ZFR: variants seen among roughly 807,000 people sequenced by gnomAD.
ZFR encodes zinc finger RNA binding protein, also known as zinc finger RNA-binding protein.
In ZFR, 19 loss-of-function variants were observed where a neutral mutation model predicts 130.7. The ratio of observed to expected loss-of-function variants is 0.15; its 90% confidence interval spans 0.10 to 0.21. The LOEUF is 0.21. ZFR is among the 10% of genes least tolerant of loss of function. The pLI is 1.00. For synonymous variants in ZFR, 466 were observed against 456.9 expected, an observed-to-expected ratio of 1.02 and a Z score of -0.25; for missense variants, 872 against 1,321.5, an observed-to-expected ratio of 0.66 and a Z score of 5.27.
intron 11 of ZFR, 70 bp downstream of exon 11, chr5:32,395,089 T>C: frequency 8.8e-6 from 13 of 1,473,536 alleles, no homozygotes; most frequent in South Asian, 3.0e-5. Flanking sequence ...GGGAGTCACA[T>C]GCTCAGAATG....
Position 32,419,939 on chromosome 5 carries a change from G to C in ZFR, c.302C>G (p.Ala101Gly). Reference protein sequence around the residue: ...RPAPVAVAAAATAAAYGGYPT... With the variant: ...RPAPVAVAAAGTAAAYGGYPT... ...GTAGCCTCCATAAGCAGCAGCTGTTGCAGCAGCTGCAACAGCTACTGGAGC... is the reference window on the plus strand; with the variant it reads ...GTAGCCTCCATAAGCAGCAGCTGTTCCAGCAGCTGCAACAGCTACTGGAGC... The change falls in exon 3 of 20, where the codon GCA becomes GGA. Residue 101 changes from alanine (A) to glycine (G), a missense_variant. By Grantham distance (60) the Ala-to-Gly change is moderately conservative. This residue lies in a region of ZFR where 240 missense variants were observed against 441.2 expected (regional missense o/e 0.54). Transcript: ENST00000265069. 1 of 1,613,974 alleles carries C rather than the reference G, an allele frequency of 6.2e-7. No homozygotes were observed.
At chr5:32,442,161 T>C (rs1196698433) in intron 2 of ZFR, among the ~76,000 whole-genome samples, 4 of 152,124 alleles carry the variant, frequency 2.6e-5, no homozygotes, top group Non-Finnish European at 2.9e-5. Context: ...AGTTAGTAAT[T>C]CAACAAATCT....
chr5:32,363,820 C>T (rs1296021644), intron 19 of ZFR, 128 bp downstream of exon 19: 6 of 678,780 alleles, frequency 8.8e-6, no homozygotes, highest in Non-Finnish European at 1.4e-5. Flanking sequence ...TTTCTAGGGG[C>T]TTGCTTACTA....
chr5:32,368,337 G>C (rs7706186), intron 17 of ZFR, among the ~76,000 whole-genome samples: 37 of 152,226 alleles, frequency 2.4e-4, no homozygotes, highest in African/African-American at 8.2e-4. Flanking sequence ...CCAGGTTCAA[G>C]CGGTTCTCTT....
chr5:32,441,407 G>A (rs949930362), intron 2 of ZFR, among the ~76,000 whole-genome samples: 2 of 151,996 alleles, frequency 1.3e-5, no homozygotes, highest in African/African-American at 4.8e-5. Context: ...TTCCAGGACC[G>A]CTACGTATAC....
chr5:32,444,083 G>A, intron 2 of ZFR, 146 bp downstream of exon 2: 1 of 664,198 alleles, frequency 1.5e-6, no homozygotes, highest in Non-Finnish European at 2.0e-6. Flanking sequence ...GGCGGGGCGG[G>A]AGAGGCCGCC....
chr5:32,407,172 C>T, intron 5 of ZFR, 151 bp from the exon 6 acceptor site: 1 of 683,538 alleles, frequency 1.5e-6, no homozygotes, highest in East Asian at 3.2e-5. Flanking sequence ...CAGAAAAAAG[C>T]TTATTTTCCT....
chr5:32,403,238 C>A lies in ZFR; in HGVS notation c.1384G>T (p.Ala462Ser). Residue 462 changes from alanine (A) to serine (S), a missense_variant, in exon 8 of 20, where the codon GCA (alanine) becomes TCA (serine). Ala to Ser is a moderately conservative substitution (Grantham distance 99, BLOSUM62 1). This residue lies in a region of ZFR where 143 missense variants were observed against 137.9 expected (regional missense o/e 1.04). Coordinates refer to ENST00000265069, the MANE Select transcript of ZFR (RefSeq NM_016107.5). ...NNCTVNTSSVATSSMKGLTTT... is the reference protein window; with the variant it reads ...NNCTVNTSSVSTSSMKGLTTT... ...GTAAGACCCTTCATTGAAGACGTTG[C>A]AACTGATGACGTATTCACAGTACAA... The A allele has an allele frequency of 6.2e-7, 1 of 1,614,192 alleles. No homozygotes were observed. Among genetic ancestry groups the A allele is most frequent in the Non-Finnish European group, 8.5e-7 (1 of 1,180,024 alleles).
chr5:32,380,427 A>G (rs1752908766), intron 15 of ZFR: 1 of 327,662 alleles, frequency 3.1e-6, no homozygotes, highest in African/African-American at 2.1e-5. Context: ...AATCCGAAGG[A>G]AAGATTACTG....
In ZFR at chr5:32,397,234, G is replaced by C. The variant is rs960059355; in HGVS notation, c.1818C>G (p.His606Gln). ...TTTTACTCACTTTATATTGAAGTCT[G>C]TGTCTTCGCCCTTTTAAGTGCATCT... ...AKEMHLKGRR[H>Q]RLQYKKKVNP... Residue 606 changes from histidine to glutamine, a missense_variant, in exon 10 of 20, where the codon CAC becomes CAG. Coordinates refer to ENST00000265069, the MANE Select transcript of ZFR (RefSeq NM_016107.5). 6.2e-7 allele frequency: 1 copy of C among 1,607,516 alleles called. No individual in the cohort carries two copies. The highest frequency in any genetic ancestry group is 8.5e-7 in the Non-Finnish European group (1 of 1,177,344).
At chr5:32,361,357 T>C (rs1320073871) in intron 19 of ZFR, among the ~76,000 whole-genome samples, 5 of 152,188 alleles carry the variant, frequency 3.3e-5, no homozygotes, top group African/African-American at 1.2e-4. Context: ...CATCTACAAT[T>C]ATTAGGGACT....
chr5:32,434,535 T>C (rs1173394257), intron 2 of ZFR, among the ~76,000 whole-genome samples: 1 of 152,230 alleles, frequency 6.6e-6, no homozygotes, highest in Non-Finnish European at 1.5e-5. Flanking sequence ...GAAGATATGA[T>C]ACTTGGGCAA....
At chr5:32,361,618 C>CT (rs1194868463) in intron 19 of ZFR, among the ~76,000 whole-genome samples, 2,374 of 133,988 alleles carry the variant, frequency 0.018, 94 homozygotes, top group East Asian at 0.15. Flanking sequence ...TCAGCCTATT[C>CT]TTTTTTTTTT....
chr5:32,405,723 T>C (rs1021847138), intron 6 of ZFR, among the ~76,000 whole-genome samples: 2 of 152,182 alleles, frequency 1.3e-5, no homozygotes, highest in Non-Finnish European at 2.9e-5. Flanking sequence ...CCTGCAAACA[T>C]TTCCTACCTG....
At chr5:32,444,094 G>C in intron 2 of ZFR, 135 bp downstream of exon 2, 1 of 869,402 alleles carries the variant, frequency 1.2e-6, no homozygotes, top group Non-Finnish European at 1.5e-6. Context: ...AGAGGCCGCC[G>C]GGCTGGGCCG....
intron 2 of ZFR, among the ~76,000 whole-genome samples, chr5:32,438,082 A>C (rs976025741): frequency 6.6e-6 from 1 of 152,036 alleles, no homozygotes; most frequent in South Asian, 2.1e-4. Flanking sequence ...GTCATCTTTT[A>C]TGACTTTTTT....
chr5:32,430,126 C>A (rs938625471), intron 2 of ZFR, among the ~76,000 whole-genome samples: 7 of 129,210 alleles, frequency 5.4e-5, no homozygotes, highest in Non-Finnish European at 1.0e-4. Context: ...AAGGGAAATA[C>A]ACTAATATAA....
At chr5:32,376,067 T>A (rs1186471095) in intron 17 of ZFR, among the ~76,000 whole-genome samples, 2 of 150,622 alleles carry the variant, frequency 1.3e-5, no homozygotes, top group East Asian at 4.1e-4. Flanking sequence ...GGTCTTGAAC[T>A]CCTTGACCTT....
intron 9 of ZFR, 113 bp from the exon 10 acceptor site, chr5:32,397,451 T>G: frequency 1.5e-6 from 2 of 1,355,572 alleles, no homozygotes; most frequent in African/African-American, 1.5e-5. Flanking sequence ...TGGCAATGTC[T>G]ATTACATTTT....
Sources: gnomAD v4.1 joint callset for allele counts (sites outside exome capture counted in the v4.1 genomes callset) on GRCh38, gnomAD v4.1.1 for gene constraint, gnomAD v4.1.1 regional missense constraint, MANE v1.5 for transcripts, NCBI Gene and HGNC (gene_info 2026-07-23, HGNC 2026-07-21) for gene names.